PRKN: variants seen among roughly 807,000 people sequenced by gnomAD.
PRKN encodes the protein parkin RBR E3 ubiquitin protein ligase, also known as E3 ubiquitin-protein ligase parkin.
Under a neutral mutation model 59.5 loss-of-function variants are expected in PRKN, and 56 were observed. The observed-to-expected ratio is 0.94, with a 90% confidence interval of 0.76 to 1.18. PRKN has a LOEUF of 1.18. PRKN is among the 50% of genes most tolerant of loss of function. PRKN has a pLI of 0.00. For synonymous variants in PRKN, 250 were observed against 222.1 expected (o/e 1.13, Z -1.12); for missense variants, 657 against 596.4 (o/e 1.10, Z -1.06).
intron 6 of PRKN, among the ~76,000 whole-genome samples, chr6:161,934,178 C>T (rs183387168): frequency 8.7e-4 from 132 of 152,304 alleles, no homozygotes; most frequent in African/African-American, 3.1e-3. Context: ...GGCTCTTCCC[C>T]TTTCCCTCAG....
intron 1 of PRKN, among the ~76,000 whole-genome samples, chr6:162,503,903 C>T (rs1030083362): frequency 3.9e-5 from 6 of 152,162 alleles, no homozygotes; most frequent in Admixed American, 1.3e-4. Flanking sequence ...CAAAGTGTTT[C>T]AATGCCGTGC....
chr6:161,498,337 G>A lies in PRKN; in HGVS notation c.1083+50517C>T, dbSNP rs941327310. Among the ~76,000 whole-genome samples the A allele has an allele frequency of 3.3e-5, 5 of 152,090 alleles. No individual in the cohort carries two copies. Among genetic ancestry groups the A allele is most frequent in the East Asian group, 1.9e-4 (1 of 5,168 alleles). ...TTGTTATGTTACTCCTCTCCTCAACGATCCCATTATAATTCCTATTCCTCA... is the reference window on the plus strand; with the variant it reads ...TTGTTATGTTACTCCTCTCCTCAACAATCCCATTATAATTCCTATTCCTCA... On this transcript the variant is annotated intron_variant, in intron 9 of 11. Transcript: ENST00000366898. The surrounding 1 kb of genome is among the most constrained non-coding windows in gnomAD (Gnocchi z 4.2).
At chr6:162,253,543 G>C (rs926009259) in intron 3 of PRKN, among the ~76,000 whole-genome samples, 4 of 152,132 alleles carry the variant, frequency 2.6e-5, no homozygotes, top group African/African-American at 9.7e-5. Flanking sequence ...ATTAAAATAT[G>C]CAAGGTATAC....
At chr6:161,766,240 C>T (rs1789416197) in intron 7 of PRKN, among the ~76,000 whole-genome samples, 1 of 151,888 alleles carries the variant, frequency 6.6e-6, no homozygotes, top group Non-Finnish European at 1.5e-5. Flanking sequence ...GCCTGTTGTT[C>T]CCTTGATAAA....
At chr6:161,821,777 C>T (rs1792043230) in intron 6 of PRKN, among the ~76,000 whole-genome samples, 1 of 88,264 alleles carries the variant, frequency 1.1e-5, no homozygotes, top group Non-Finnish European at 2.1e-5. Flanking sequence ...GAGATGCAGT[C>T]TCATTCTGTC....
intron 1 of PRKN, among the ~76,000 whole-genome samples, chr6:162,588,494 T>G (rs1343047808): frequency 6.6e-6 from 1 of 152,166 alleles, no homozygotes; most frequent in East Asian, 1.9e-4. Flanking sequence ...GTGGGCACTA[T>G]GTCCAGGCAG....
In PRKN at chr6:161,361,025, G is replaced by A. The variant is rs1195367408; in HGVS notation, c.1168-820C>T. 1.3e-5 allele frequency among the ~76,000 whole-genome samples: 2 copies of A among 152,056 alleles called. No homozygotes were observed. Among genetic ancestry groups the A allele is most frequent in the African/African-American group, 2.4e-5 (1 of 41,398 alleles). ...ATTTGCTGACATTATTCATGTCACCGAGAGCTGGGTGCTGCCTGCACCATC... is the reference window on the plus strand; with the variant it reads ...ATTTGCTGACATTATTCATGTCACCAAGAGCTGGGTGCTGCCTGCACCATC... On this transcript the variant is annotated intron_variant, in intron 10 of 11. Coordinates refer to ENST00000366898, the MANE Select transcript of PRKN (RefSeq NM_004562.3). The surrounding 1 kb of genome is among the most constrained non-coding windows in gnomAD (Gnocchi z 5.2).
intron 9 of PRKN, among the ~76,000 whole-genome samples, chr6:161,519,911 A>G (rs1778757500): frequency 6.6e-6 from 1 of 152,214 alleles, no homozygotes; most frequent in East Asian, 1.9e-4. Flanking sequence ...ACCTCAAAGA[A>G]GCAGGGTTTG....
At position 161,593,389 on chromosome 6, in the gene PRKN, T is replaced by C. The variant is rs943493785; in HGVS notation, c.872-23973A>G. Among the ~76,000 whole-genome samples, 6 of 151,986 alleles carry C rather than the reference T, an allele frequency of 3.9e-5. No homozygotes were observed. Among genetic ancestry groups the C allele is most frequent in the African/African-American group, 1.4e-4 (6 of 41,388 alleles). On this transcript the variant is annotated intron_variant, in intron 7 of 11. Transcript: ENST00000366898. The surrounding 1 kb of genome is among the most constrained non-coding windows in gnomAD (Gnocchi z 4.8). ...CCTGCCCAGTGTCACAAAACTAATA[T>C]ATGGTGAGGCTGGTTTCAAGCTAAT...
In PRKN at chr6:161,575,641, C is replaced by T. The variant is rs933040125; in HGVS notation, c.872-6225G>A. On this transcript the variant is annotated intron_variant, in intron 7 of 11. Transcript: ENST00000366898. The surrounding 1 kb of genome is among the most constrained non-coding windows in gnomAD (Gnocchi z 4.6). ...ATATCCTTTGGGTTCAATGGAAAAT[C>T]GTGAGCACCCAGGCTTGGGATAGAA... Among the ~76,000 whole-genome samples, 2 of 152,176 alleles carry T rather than the reference C, an allele frequency of 1.3e-5. No individual in the cohort carries two copies. Among genetic ancestry groups the T allele is most frequent in the South Asian group, 4.1e-4 (2 of 4,832 alleles).
chr6:162,094,764 A>G (rs900391211), intron 4 of PRKN, among the ~76,000 whole-genome samples: 5 of 152,182 alleles, frequency 3.3e-5, no homozygotes, highest in South Asian at 2.1e-4. Flanking sequence ...CTGTCCCACG[A>G]CTTAGTTTGC....
rs1346783399 is a variant in PRKN, at chr6:161,552,318, G to T, written c.934-3315C>A. On this transcript the variant is annotated intron_variant, in intron 8 of 11. Coordinates refer to ENST00000366898, the MANE Select transcript of PRKN (RefSeq NM_004562.3). This position sits in a 1 kb window ranked among gnomAD's most constrained non-coding sequence, Gnocchi z 4.9. ...CTCCAAGCCCCTCTCCCTCAGCTCT[G>T]TTCACCTCCGCCTATGACTGTGAAT... Among the ~76,000 whole-genome samples, 8 of 150,822 alleles carry T rather than the reference G, an allele frequency of 5.3e-5. No homozygotes were observed. Among genetic ancestry groups the T allele is most frequent in the African/African-American group, 2.0e-4 (8 of 40,390 alleles).
rs988698949 is a variant in PRKN at position 162,056,838 on chromosome 6, T to C, written c.535-2664A>G. 3.3e-5 allele frequency among the ~76,000 whole-genome samples: 5 copies of C among 152,168 alleles called. No homozygotes were observed. Among genetic ancestry groups the C allele is most frequent in the African/African-American group, 9.7e-5 (4 of 41,440 alleles). ...AAAATCGCTGGGCACTGACTCTCCA[T>C]TGAGCTTCCTGGCAGACAACACTTC... On this transcript the variant is annotated intron_variant, in intron 4 of 11. Transcript: ENST00000366898. The surrounding 1 kb of genome is among the most constrained non-coding windows in gnomAD (Gnocchi z 4.9).
intron 4 of PRKN, among the ~76,000 whole-genome samples, chr6:162,066,481 C>G (rs963581073): frequency 5.3e-5 from 8 of 152,130 alleles, no homozygotes; most frequent in Non-Finnish European, 1.2e-4. Context: ...CCTAATGCAA[C>G]AGTGTTAGGA....
intron 7 of PRKN, among the ~76,000 whole-genome samples, chr6:161,670,892 T>A (rs764512561): frequency 7.2e-5 from 11 of 152,244 alleles, no homozygotes; most frequent in Admixed American, 2.0e-4. Flanking sequence ...GACCTTATCT[T>A]ACCCTGATTA....
At chr6:162,362,660 A>G (rs1442468777) in intron 2 of PRKN, among the ~76,000 whole-genome samples, 1 of 152,170 alleles carries the variant, frequency 6.6e-6, no homozygotes, top group East Asian at 1.9e-4. Context: ...AAGAAACAAT[A>G]GTAGGAAGAG....
chr6:161,737,167 A>C (rs1787997517), intron 7 of PRKN, among the ~76,000 whole-genome samples: 1 of 152,220 alleles, frequency 6.6e-6, no homozygotes, highest in Admixed American at 6.5e-5. Context: ...GCACAGGAAG[A>C]GGAGGGGCTG....
At chr6:162,040,350 C>T (rs2128281731) in intron 5 of PRKN, among the ~76,000 whole-genome samples, 1 of 151,464 alleles carries the variant, frequency 6.6e-6, no homozygotes, top group East Asian at 1.9e-4. Context: ...GTTTTCTGTT[C>T]TTAGAAACAA....
rs1777846812 is a variant in PRKN at position 162,056,012 on chromosome 6, TGCACGCAC to T, written c.535-1846_535-1839del. ...ACTCAGGCATGCACGCACACAGGCA[TGCACGCAC>T]ACAGCATGCCACACACCACACATGC... On this transcript the variant is annotated intron_variant, in intron 4 of 11. Coordinates refer to ENST00000366898, the MANE Select transcript of PRKN (RefSeq NM_004562.3). The surrounding 1 kb of genome is among the most constrained non-coding windows in gnomAD (Gnocchi z 4.9). Among the ~76,000 whole-genome samples, 1 of 108,204 alleles carries T rather than the reference TGCACGCAC, an allele frequency of 9.2e-6. No individual in the cohort carries two copies. Among genetic ancestry groups the T allele is most frequent in the African/African-American group, 2.8e-5 (1 of 35,202 alleles). 71.0% of individuals were successfully genotyped at this position (108,204 alleles called of 152,430 possible).
Sources: gnomAD v4.1 joint callset for allele counts (sites outside exome capture counted in the v4.1 genomes callset) on GRCh38, gnomAD v4.1.1 for gene constraint, Gnocchi (gnomAD v3.1) non-coding constraint, MANE v1.5 for transcripts, NCBI Gene and HGNC (gene_info 2026-07-23, HGNC 2026-07-21) for gene names.